ULK4: variants seen among roughly 807,000 people sequenced by gnomAD.
ULK4 encodes the protein unc-51 like kinase 4.
ULK4 carries 133 observed loss-of-function variants against 160.6 expected under a neutral mutation model. The ratio of observed to expected loss-of-function variants is 0.83; its 90% confidence interval spans 0.72 to 0.96. ULK4 has a LOEUF of 0.96. Among genes scored for constraint, ULK4 ranks in the 40% least tolerant of loss-of-function variants. The pLI is 0.00. For synonymous variants in ULK4, 534 were observed against 539.8 expected (o/e 0.99, Z 0.15); for missense variants, 1,580 against 1,499.5 (o/e 1.05, Z -0.89).
intron 2 of ULK4, among the ~76,000 whole-genome samples, chr3:41,953,618 T>G (rs1055650937): frequency 6.6e-6 from 1 of 152,126 alleles, no homozygotes; most frequent in East Asian, 1.9e-4. Flanking sequence ...AAGCCTACGC[T>G]ATAAAGTGAC....
chr3:41,898,146 A>C (rs1452399071), intron 14 of ULK4, among the ~76,000 whole-genome samples: 3 of 152,130 alleles, frequency 2.0e-5, no homozygotes, highest in Admixed American at 2.0e-4. Flanking sequence ...AAGGGAAGGG[A>C]GGAGAAGACC....
intron 5 of ULK4, 38 bp downstream of exon 5, chr3:41,931,806 C>A (rs1411820256): frequency 6.2e-7 from 1 of 1,610,112 alleles, no homozygotes; most frequent in South Asian, 1.1e-5. Flanking sequence ...TGGTCCACAA[C>A]TAGAGTTATG....
intron 30 of ULK4, among the ~76,000 whole-genome samples, chr3:41,639,882 T>G (rs898793829): frequency 4.6e-5 from 7 of 152,220 alleles, no homozygotes; most frequent in Non-Finnish European, 1.0e-4. Context: ...TGAAGACTAT[T>G]TCCTTTAAAT....
chr3:41,592,682 G>A (rs1044711945), intron 31 of ULK4, among the ~76,000 whole-genome samples: 2 of 152,090 alleles, frequency 1.3e-5, no homozygotes, highest in Admixed American at 6.5e-5. Flanking sequence ...TTAGTACACT[G>A]TAATTTAAAA....
chr3:41,501,870 C>T (rs2085222081), intron 32 of ULK4, among the ~76,000 whole-genome samples: 1 of 152,120 alleles, frequency 6.6e-6, no homozygotes, highest in Non-Finnish European at 1.5e-5. Flanking sequence ...ACCATAATAC[C>T]TGGTAACCAC....
chr3:41,557,751 G>GTGA (rs34597807), intron 32 of ULK4, among the ~76,000 whole-genome samples: 1 of 151,382 alleles, frequency 6.6e-6, no homozygotes, highest in Non-Finnish European at 1.5e-5. Context: ...GGTAACACAA[G>GTGA]GAGACTCTGT....
chr3:41,344,473 C>G (rs530940371), intron 35 of ULK4, among the ~76,000 whole-genome samples: 1 of 151,896 alleles, frequency 6.6e-6, no homozygotes, highest in Non-Finnish European at 1.5e-5. Context: ...AAAAATTGCC[C>G]GGGTGAGGTG....
In ULK4 at chr3:41,440,763, C is replaced by T. The variant is rs114092427; in HGVS notation, c.3492+14734G>A. 3.9e-3 allele frequency among the ~76,000 whole-genome samples: 593 copies of T among 152,140 alleles called. 3 individuals carry two copies. The highest frequency in any genetic ancestry group is 0.014 in the African/African-American group (576 of 41,550). ...TATTTCACTGAATTTACCACTGAAG[C>T]TATCTGGCACTGGAGGCTTCCTTAT... On this transcript the variant is annotated intron_variant, in intron 34 of 36. Transcript: ENST00000301831.
chr3:41,466,452 T>C (rs1575262094), intron 32 of ULK4, among the ~76,000 whole-genome samples: 1 of 152,122 alleles, frequency 6.6e-6, no homozygotes, highest in South Asian at 2.1e-4. Flanking sequence ...AAAAACTGAG[T>C]ATCCAAATGG....
Position 41,932,723 on chromosome 3 carries a change from A to G in ULK4, c.379-717T>C, listed in dbSNP as rs146546668. Among the ~76,000 whole-genome samples, 16 of 152,302 alleles carry G rather than the reference A, an allele frequency of 1.1e-4. No homozygotes were observed. The East Asian group carries it at 3.1e-3, about 29-fold the overall frequency. On this transcript the variant is annotated intron_variant, in intron 4 of 36. Coordinates refer to ENST00000301831, the MANE Select transcript of ULK4 (RefSeq NM_017886.4). ...TTAAAAGTATTTCTACATAGGTACA[A>G]TGGGTCAGGTGGCTTTGTGGTTTTT...
At chr3:41,728,957 A>G (rs2037738592) in intron 22 of ULK4, among the ~76,000 whole-genome samples, 2 of 152,200 alleles carry the variant, frequency 1.3e-5, no homozygotes, top group Admixed American at 6.5e-5. Flanking sequence ...GATGTTAAAT[A>G]AGAACTTGTA....
chr3:41,825,382 C>T (rs772388180), intron 18 of ULK4, among the ~76,000 whole-genome samples: 34 of 151,972 alleles, frequency 2.2e-4, no homozygotes, highest in Non-Finnish European at 4.0e-4. Flanking sequence ...TGAGGAAGTT[C>T]GAACCTATGG....
At chr3:41,841,079 G>A (rs1217628748) in intron 17 of ULK4, among the ~76,000 whole-genome samples, 1 of 149,718 alleles carries the variant, frequency 6.7e-6, no homozygotes, top group African/African-American at 2.5e-5. Context: ...TCTGGGATGT[G>A]AGAAGCGCCT....
intron 17 of ULK4, among the ~76,000 whole-genome samples, chr3:41,856,564 C>CATATATATATGTGTATATATATACACAT (rs1409598799): frequency 5.7e-4 from 39 of 68,990 alleles, no homozygotes; most frequent in East Asian, 2.1e-3. Context: ...TATATATACA[C>CATATATATATGTGTATATATATACACAT]ATATATATAT....
At chr3:41,677,701 T>G (rs1289281347) in intron 29 of ULK4, among the ~76,000 whole-genome samples, 1 of 152,212 alleles carries the variant, frequency 6.6e-6, no homozygotes, top group African/African-American at 2.4e-5. Flanking sequence ...TATTAATTCA[T>G]CAATTTAAAT....
At chr3:41,446,143 C>T (rs1369482273) in intron 34 of ULK4, among the ~76,000 whole-genome samples, 1 of 152,134 alleles carries the variant, frequency 6.6e-6, no homozygotes, top group Non-Finnish European at 1.5e-5. Context: ...CATCACTGGC[C>T]ATCAGAGAAA....
At chr3:41,411,203 C>A (rs1282519519) in intron 34 of ULK4, among the ~76,000 whole-genome samples, 5 of 152,102 alleles carry the variant, frequency 3.3e-5, no homozygotes, top group African/African-American at 1.2e-4. Context: ...TCATCCTCAG[C>A]CAGGGCACTC....
intron 32 of ULK4, among the ~76,000 whole-genome samples, chr3:41,476,621 T>A (rs561535499): frequency 1.3e-5 from 2 of 152,210 alleles, no homozygotes; most frequent in East Asian, 3.9e-4. Flanking sequence ...TTTTTTTTTA[T>A]TTTTTCCTCT....
intron 2 of ULK4, among the ~76,000 whole-genome samples, chr3:41,951,372 G>C (rs916707755): frequency 1.3e-5 from 2 of 149,922 alleles, no homozygotes; most frequent in African/African-American, 4.9e-5. Flanking sequence ...CTCAAGGTAT[G>C]TCAAACGGCC....
Sources: gnomAD v4.1 joint callset for allele counts (sites outside exome capture counted in the v4.1 genomes callset) on GRCh38, gnomAD v4.1.1 for gene constraint, MANE v1.5 for transcripts, NCBI Gene and HGNC (gene_info 2026-07-23, HGNC 2026-07-21) for gene names.